Variants in CLVS1 observed in about 807,000 individuals in gnomAD.
CLVS1 encodes the protein clavesin-1.
A neutral mutation model predicts 33.1 loss-of-function variants in CLVS1; 10 were observed. That is an observed-to-expected ratio of 0.30 (90% CI 0.19 to 0.51). The LOEUF (loss-of-function observed/expected upper bound fraction) is 0.51, where lower values mean the gene tolerates loss of function less well. Ranked by LOEUF, CLVS1 falls within the 20% of genes least tolerant of loss-of-function variation. CLVS1 has a pLI of 0.97. For missense variants in CLVS1, 343 were observed against 433.4 expected (o/e 0.79, Z 1.85); for synonymous variants, 163 against 166.1 (o/e 0.98, Z 0.14).
At chr8:61,099,928 C>T (rs192217611) in intron 1 of CLVS1, among the ~76,000 whole-genome samples, 118 of 152,236 alleles carry the variant, frequency 7.8e-4, no homozygotes, top group South Asian at 2.1e-3. Flanking sequence ...ACAGCTACTT[C>T]GGAACACAGA....
At chr8:61,413,528 G>A (rs140090492) in intron 3 of CLVS1, among the ~76,000 whole-genome samples, 71 of 152,234 alleles carry the variant, frequency 4.7e-4, no homozygotes, top group African/African-American at 1.7e-3. Context: ...GGACACGATC[G>A]TCCCCTTACC....
intron 2 of CLVS1, among the ~76,000 whole-genome samples, chr8:61,280,184 C>A (rs1259445930): frequency 6.6e-6 from 1 of 152,148 alleles, no homozygotes; most frequent in Admixed American, 6.5e-5. Flanking sequence ...TGTCGAATTT[C>A]TGCTGAATCC....
At chr8:61,247,240 G>A (rs1808833449) in intron 2 of CLVS1, among the ~76,000 whole-genome samples, 1 of 152,102 alleles carries the variant, frequency 6.6e-6, no homozygotes, top group African/African-American at 2.4e-5. Context: ...ATATCATGAA[G>A]AGTGCTGCAG....
chr8:61,185,143 G>GTTTT (rs1554543398), intron 2 of CLVS1, among the ~76,000 whole-genome samples: 2 of 143,764 alleles, frequency 1.4e-5, no homozygotes, highest in African/African-American at 2.8e-5. Context: ...AGAGAGTATA[G>GTTTT]TTTTTGTTTT....
intron 1 of CLVS1, among the ~76,000 whole-genome samples, chr8:61,063,721 G>A (rs1563389224): frequency 6.6e-6 from 1 of 152,180 alleles, no homozygotes; most frequent in Non-Finnish European, 1.5e-5. Flanking sequence ...CTTTTTAATT[G>A]TATAAGATAC....
chr8:61,450,098 A>G lies in CLVS1; in HGVS notation c.631-4043A>G, dbSNP rs548452171. On this transcript the variant is annotated intron_variant, in intron 3 of 5. Coordinates refer to ENST00000325897, the MANE Select transcript of CLVS1 (RefSeq NM_173519.3). ...GATCATGGTATTATGCTCTCATCTC[A>G]GAGGCTCTATGGGAAGAGTGATGTG... Among the ~76,000 whole-genome samples the G allele has an allele frequency of 2.4e-4, 37 of 152,302 alleles. No individual in the cohort carries two copies. The South Asian group carries it at 4.4e-3, about 18-fold the overall frequency.
chr8:61,042,876 A>G, the CLVS1 span, among the ~76,000 whole-genome samples: 1 of 152,246 alleles, frequency 6.6e-6, no homozygotes, highest in African/African-American at 2.4e-5. Flanking sequence ...GTCAAGTCCC[A>G]GTAAGGAAGG....
chr8:61,141,881 A>G (rs531448751), intron 2 of CLVS1, among the ~76,000 whole-genome samples: 1 of 152,108 alleles, frequency 6.6e-6, no homozygotes, highest in Admixed American at 6.5e-5. Flanking sequence ...GTCTGTTTTT[A>G]TTTTGAGCAG....
chr8:61,182,924 A>T (rs1807268407), intron 2 of CLVS1, among the ~76,000 whole-genome samples: 1 of 152,220 alleles, frequency 6.6e-6, no homozygotes, highest in South Asian at 2.1e-4. Flanking sequence ...TAGACTGGAT[A>T]AAAAAATGTG....
chr8:61,120,660 G>C (rs1805839429), intron 1 of CLVS1, among the ~76,000 whole-genome samples: 1 of 136,346 alleles, frequency 7.3e-6, no homozygotes, highest in Non-Finnish European at 1.6e-5. Context: ...CCCCTGCTGG[G>C]GGGTGCCTCC....
At chr8:61,017,801 C>T in the CLVS1 span, among the ~76,000 whole-genome samples, 28 of 152,300 alleles carry the variant, frequency 1.8e-4, no homozygotes, top group African/African-American at 6.0e-4. Flanking sequence ...TCCTCTGGGC[C>T]CCACTACTGA....
intron 2 of CLVS1, among the ~76,000 whole-genome samples, chr8:61,256,648 A>C (rs1240263538): frequency 2.4e-5 from 2 of 85,042 alleles, no homozygotes; most frequent in South Asian, 4.3e-4. Flanking sequence ...TCAAAAACAA[A>C]AAAAAAAAAT....
chr8:61,211,512 C>G (rs1807970692), intron 2 of CLVS1, among the ~76,000 whole-genome samples: 1 of 151,870 alleles, frequency 6.6e-6, no homozygotes, highest in Admixed American at 6.6e-5. Flanking sequence ...TGAGATAGTT[C>G]TGAAATGTTT....
intron 2 of CLVS1, among the ~76,000 whole-genome samples, chr8:61,248,085 G>A (rs1372027111): frequency 6.6e-6 from 1 of 151,962 alleles, no homozygotes; most frequent in Non-Finnish European, 1.5e-5. Context: ...GTCAAAGATT[G>A]GATGGCTGTA....
the CLVS1 span, among the ~76,000 whole-genome samples, chr8:60,988,386 T>A: frequency 6.6e-6 from 1 of 152,086 alleles, no homozygotes; most frequent in African/African-American, 2.4e-5. Flanking sequence ...TCTCTCCAGC[T>A]CCCAGACAAC....
chr8:61,481,766 TG>T (rs891577406), intron 5 of CLVS1, among the ~76,000 whole-genome samples: 2 of 152,238 alleles, frequency 1.3e-5, no homozygotes, highest in African/African-American at 2.4e-5. Context: ...ATTCCACCTC[TG>T]GGGGCAGGGT....
At chr8:61,476,496 T>G (rs535758530) in intron 5 of CLVS1, among the ~76,000 whole-genome samples, 233 of 152,340 alleles carry the variant, frequency 1.5e-3, no homozygotes, top group African/African-American at 5.5e-3. Context: ...GTAGTTCTCC[T>G]TGAATAAGTC....
intron 1 of CLVS1, among the ~76,000 whole-genome samples, chr8:61,092,040 ATGGGTGGCATT>A (rs962437579): frequency 1.3e-5 from 2 of 152,198 alleles, no homozygotes; most frequent in African/African-American, 2.4e-5. Flanking sequence ...AGAGATGCCA[ATGGGTGGCATT>A]TAACTCATTT....
the CLVS1 span, among the ~76,000 whole-genome samples, chr8:60,970,647 A>G: frequency 6.6e-6 from 1 of 152,190 alleles, no homozygotes; most frequent in Non-Finnish European, 1.5e-5. Context: ...GTTCTAAGTC[A>G]TTTGACTTCT....
Sources: gnomAD v4.1 joint callset for allele counts (sites outside exome capture counted in the v4.1 genomes callset) on GRCh38, gnomAD v4.1.1 for gene constraint, MANE v1.5 for transcripts, NCBI Gene and HGNC (gene_info 2026-07-23, HGNC 2026-07-21) for gene names.